Variants in GABRA3 observed in about 807,000 individuals in gnomAD.
GABRA3 encodes the protein gamma-aminobutyric acid type A receptor subunit alpha3.
Under a neutral mutation model 30.1 loss-of-function variants are expected in GABRA3, and 10 were observed. The observed-to-expected ratio is 0.33, with a 90% CI of 0.20 to 0.56. The LOEUF is 0.56. Among genes scored for constraint, GABRA3 ranks in the 20% least tolerant of loss-of-function variants. The pLI, the probability that GABRA3 is intolerant of heterozygous loss-of-function variation, is 0.89. For missense variants in GABRA3, 233 were observed against 392.0 expected, an observed-to-expected ratio of 0.59 and a Z score of 3.42; for synonymous variants, 151 against 146.8, an observed-to-expected ratio of 1.03 and a Z score of -0.21.
At chrX:152,425,469 C>A (rs975831550) in intron 1 of GABRA3, among the ~76,000 whole-genome samples, 3 of 110,878 alleles carry the variant, frequency 2.7e-5, no homozygotes, top group Non-Finnish European at 5.7e-5. Context: ...CTCCTTTAGT[C>A]TGGAACATTT....
chrX:152,280,819 T>C (rs1303205873), intron 4 of GABRA3, among the ~76,000 whole-genome samples: 1 of 111,320 alleles, frequency 9.0e-6, no homozygotes, highest in Non-Finnish European at 1.9e-5. Flanking sequence ...AAAGTATTCC[T>C]GGGGAGAGGG....
intron 7 of GABRA3, among the ~76,000 whole-genome samples, chrX:152,199,169 AT>A (rs1937434838): frequency 1.8e-5 from 2 of 110,318 alleles, no homozygotes; most frequent in Non-Finnish European, 3.8e-5. Flanking sequence ...GATCGAGACC[AT>A]CCTGGCTAAC....
chrX:152,197,802 A>G lies in GABRA3; in HGVS notation c.779-17T>C. ...CATATTCTCCTAAAGAGAGAGTAAA[A>G]TTAGGCAGTATGTAGCTACATAAAC... On this transcript the variant is annotated splice_polypyrimidine_tract_variant and intron_variant, in intron 7 of 9. Coordinates refer to ENST00000370314, the MANE Select transcript of GABRA3 (RefSeq NM_000808.4). 8.5e-7 allele frequency: 1 copy of G among 1,175,093 alleles called. No individual in the cohort carries two copies. Among genetic ancestry groups the G allele is most frequent in the Non-Finnish European group, 1.2e-6 (1 of 867,410 alleles).
chrX:152,186,827 TG>T (rs1257125434), intron 9 of GABRA3: 2 of 111,052 alleles, frequency 1.8e-5, no homozygotes. Flanking sequence ...TTTACCATGT[TG>T]CCCAGGCTGG....
chrX:152,196,595 C>T (rs1406926686), intron 8 of GABRA3, among the ~76,000 whole-genome samples: 1 of 110,694 alleles, frequency 9.0e-6, no homozygotes, highest in Non-Finnish European at 1.9e-5. Flanking sequence ...CTTCTGCTCC[C>T]TCCACTTCAC....
At chrX:152,414,439 G>A (rs1173869643) in intron 1 of GABRA3, among the ~76,000 whole-genome samples, 4 of 110,800 alleles carry the variant, frequency 3.6e-5, no homozygotes, top group Middle Eastern at 4.2e-3. Context: ...TAAGATTCTC[G>A]GCATCACATA....
intron 1 of GABRA3, among the ~76,000 whole-genome samples, chrX:152,425,267 T>C (rs1422813208): frequency 9.0e-6 from 1 of 110,766 alleles, no homozygotes. Flanking sequence ...ATCACACTTG[T>C]ATATAACCCA....
chrX:152,218,253 G>A (rs1937765252), intron 6 of GABRA3, among the ~76,000 whole-genome samples: 1 of 109,924 alleles, frequency 9.1e-6, no homozygotes, highest in Non-Finnish European at 1.9e-5. Flanking sequence ...TGTGTTGTTC[G>A]ATCTCAACAT....
intron 3 of GABRA3, among the ~76,000 whole-genome samples, chrX:152,307,045 C>G (rs763069290): frequency 2.7e-4 from 30 of 110,465 alleles, no homozygotes; most frequent in Non-Finnish European, 2.3e-4. Flanking sequence ...TTTCTCCCTT[C>G]GTACCTCATG....
intron 1 of GABRA3, among the ~76,000 whole-genome samples, chrX:152,415,320 T>C: frequency 9.0e-6 from 1 of 111,113 alleles, no homozygotes; most frequent in South Asian, 3.7e-4. Context: ...CTAAAACTAC[T>C]CTAAAATATA....
intron 3 of GABRA3, among the ~76,000 whole-genome samples, chrX:152,327,737 C>G (rs755340092): frequency 1.5e-3 from 167 of 111,514 alleles, no homozygotes; most frequent in African/African-American, 5.2e-3. Context: ...TAAATGCCCA[C>G]AAGAGAAAGC....
intron 4 of GABRA3, among the ~76,000 whole-genome samples, chrX:152,259,913 T>C (rs1193674555): frequency 1.8e-5 from 2 of 109,933 alleles, no homozygotes; most frequent in Non-Finnish European, 3.8e-5. Flanking sequence ...GGCTTCAGTG[T>C]GTTAGAGCAT....
intron 1 of GABRA3, among the ~76,000 whole-genome samples, chrX:152,397,329 T>C: frequency 8.9e-6 from 1 of 112,471 alleles, no homozygotes; most frequent in Non-Finnish European, 1.9e-5. Context: ...ACCAGGACTA[T>C]AGTAGACATA....
chrX:152,207,024 C>T (rs747829038), intron 7 of GABRA3, among the ~76,000 whole-genome samples: 32 of 111,835 alleles, frequency 2.9e-4, no homozygotes, highest in Non-Finnish European at 5.6e-4. Flanking sequence ...CAAGAATAGC[C>T]TTTCCCCACA....
At chrX:152,237,146 C>T (rs1182218525) in intron 5 of GABRA3, among the ~76,000 whole-genome samples, 1 of 110,948 alleles carries the variant, frequency 9.0e-6, no homozygotes, top group Admixed American at 9.7e-5. Flanking sequence ...GTTTAAATCT[C>T]TAATCCATCT....
At chrX:152,333,176 T>C (rs1386142909) in intron 3 of GABRA3, among the ~76,000 whole-genome samples, 1 of 111,542 alleles carries the variant, frequency 9.0e-6, no homozygotes, top group Non-Finnish European at 1.9e-5. Flanking sequence ...TATAATAAAA[T>C]TGAAAAATTT....
chrX:152,349,622 A>T (rs374769062), intron 2 of GABRA3, among the ~76,000 whole-genome samples: 8 of 104,954 alleles, frequency 7.6e-5, no homozygotes, highest in South Asian at 4.5e-4. Flanking sequence ...TCTACCAAGC[A>T]AATGGAAAAC....
intron 1 of GABRA3, among the ~76,000 whole-genome samples, chrX:152,411,305 A>G (rs1316826745): frequency 9.0e-6 from 1 of 111,013 alleles, no homozygotes; most frequent in Non-Finnish European, 1.9e-5. Flanking sequence ...ACAGAGTGAG[A>G]CCCTGTCTCA....
At chrX:152,417,472 C>G (rs1230988595) in intron 1 of GABRA3, among the ~76,000 whole-genome samples, 10 of 108,450 alleles carry the variant, frequency 9.2e-5, no homozygotes, top group Non-Finnish European at 1.9e-4. Flanking sequence ...TGTGGCGATT[C>G]CTCAGGGATC....
Sources: gnomAD v4.1 joint callset for allele counts (sites outside exome capture counted in the v4.1 genomes callset) on GRCh38, gnomAD v4.1.1 for gene constraint, MANE v1.5 for transcripts, NCBI Gene and HGNC (gene_info 2026-07-23, HGNC 2026-07-21) for gene names.